Variants in AKAP6 observed in about 807,000 individuals in gnomAD.
AKAP6 encodes the protein A-kinase anchor protein 6.
AKAP6 carries 58 observed loss-of-function variants against 188.5 expected under a neutral mutation model. The observed-to-expected ratio is 0.31, with a 90% CI of 0.25 to 0.38. AKAP6 has a LOEUF of 0.38. Ranked by LOEUF, AKAP6 falls within the 10% of genes least tolerant of loss-of-function variation. The pLI is 1.00. For missense variants in AKAP6, 2,710 were observed against 2,740.0 expected, an observed-to-expected ratio of 0.99 and a Z score of 0.24; for synonymous variants, 989 against 998.6, an observed-to-expected ratio of 0.99 and a Z score of 0.18.
At chr14:32,639,125 G>T (rs1223227631) in intron 7 of AKAP6, among the ~76,000 whole-genome samples, 1 of 152,046 alleles carries the variant, frequency 6.6e-6, no homozygotes, top group East Asian at 1.9e-4. Context: ...TTGCTATTGA[G>T]TGGTTCACAC....
At chr14:32,780,334 A>G (rs1417299007) in intron 12 of AKAP6, among the ~76,000 whole-genome samples, 1 of 151,976 alleles carries the variant, frequency 6.6e-6, no homozygotes, top group African/African-American at 2.4e-5. Flanking sequence ...TATATATGGA[A>G]TCTAAAAAGA....
At chr14:32,451,032 TTACTC>T (rs1350924432) in intron 2 of AKAP6, among the ~76,000 whole-genome samples, 7 of 152,290 alleles carry the variant, frequency 4.6e-5, no homozygotes, top group Middle Eastern at 3.4e-3. Context: ...AAAAATTAGT[TTACTC>T]TATTGCTTTA....
At chr14:32,453,575 C>CTTTTTTTTTTTTTTTTTTTTTTTTTTTTT (rs71115071) in intron 2 of AKAP6, among the ~76,000 whole-genome samples, 2 of 95,356 alleles carry the variant, frequency 2.1e-5, no homozygotes, top group African/African-American at 3.4e-5. Context: ...TTTTTCTTTT[C>CTTTTTTTTTTTTTTTTTTTTTTTTTTTTT]TTTTTTTTTT....
chr14:32,700,632 G>A (rs527258989), intron 9 of AKAP6, among the ~76,000 whole-genome samples: 13 of 152,058 alleles, frequency 8.5e-5, no homozygotes, highest in East Asian at 7.7e-4. Context: ...ATTGTGTTAC[G>A]GTTGCCTACA....
intron 11 of AKAP6, among the ~76,000 whole-genome samples, chr14:32,761,362 C>G (rs1465718473): frequency 6.6e-6 from 1 of 152,130 alleles, no homozygotes; most frequent in Non-Finnish European, 1.5e-5. Context: ...TCCTAAAATA[C>G]CTTTTCCTAG....
intron 12 of AKAP6, among the ~76,000 whole-genome samples, chr14:32,798,256 A>C (rs940988911): frequency 1.3e-5 from 2 of 152,200 alleles, no homozygotes; most frequent in Non-Finnish European, 2.9e-5. Context: ...AGATGCTGGC[A>C]AGGTTGCAGA....
chr14:32,626,302 T>G (rs1887019583), intron 7 of AKAP6, among the ~76,000 whole-genome samples: 1 of 152,130 alleles, frequency 6.6e-6, no homozygotes, highest in South Asian at 2.1e-4. Flanking sequence ...GTCTTTCATA[T>G]GTACAGTGCT....
At chr14:32,500,931 T>A (rs953441809) in intron 2 of AKAP6, among the ~76,000 whole-genome samples, 7 of 152,066 alleles carry the variant, frequency 4.6e-5, no homozygotes, top group Admixed American at 4.6e-4. Context: ...AATGGACTCT[T>A]AAAGAACAAA....
At position 32,696,089 on chromosome 14, in the gene AKAP6, G is replaced by A. The variant is rs532078081; in HGVS notation, c.2979G>A (p.Glu993=). The part of the protein sequence containing the change: ...MDSHDLMMSE[E]QQQHLYKRYS... ...GCCACGACCTGATGATGTCAGAGGA[G>A]CAGCAGCAGCATCTTTACAAGGTTA... The change falls in exon 9 of 14, where the codon GAG becomes GAA. Residue 993 remains glutamate (E), a synonymous_variant. Coordinates refer to ENST00000280979, the MANE Select transcript of AKAP6 (RefSeq NM_004274.5). The A allele has an allele frequency of 6.2e-7, 1 of 1,609,156 alleles. No individual in the cohort carries two copies. The highest frequency in any genetic ancestry group is 2.2e-5 in the East Asian group (1 of 44,702).
intron 13 of AKAP6, among the ~76,000 whole-genome samples, chr14:32,826,146 G>A (rs776231038): frequency 6.6e-6 from 1 of 151,988 alleles, no homozygotes; most frequent in Non-Finnish European, 1.5e-5. Flanking sequence ...ATTCTGTGTA[G>A]AGCTGCTAGA....
At chr14:32,344,915 TAAA>T (rs11297648) in intron 1 of AKAP6, among the ~76,000 whole-genome samples, 7 of 105,428 alleles carry the variant, frequency 6.6e-5, no homozygotes, top group African/African-American at 3.7e-5. Context: ...GACTCTGTCT[TAAA>T]AAAAAAAAAA....
chr14:32,822,426 G>A lies in AKAP6; in HGVS notation c.4613G>A (p.Arg1538His), dbSNP rs539925484. The change falls in exon 13 of 14, where the codon CGC (arginine) becomes CAC (histidine). Residue 1538 changes from arginine to histidine, a missense_variant. Transcript: ENST00000280979. ...GCAAGTGCATCTCATGAAATGGATC[G>A]CATTTCATATAAAAGTGGCAATATA... ...ILASASHEMD[R>H]ISYKSGNIEK... 66 of 1,613,656 alleles carry A rather than the reference G, an allele frequency of 4.1e-5. No individual in the cohort carries two copies. The highest frequency in any genetic ancestry group is 1.6e-4 in the Middle Eastern group (1 of 6,084).
chr14:32,655,032 G>A (rs911045329), intron 7 of AKAP6, among the ~76,000 whole-genome samples: 1 of 152,118 alleles, frequency 6.6e-6, no homozygotes, highest in Non-Finnish European at 1.5e-5. Context: ...AATCACAACT[G>A]AGAAGTTGTT....
chr14:32,674,540 A>G (rs918403143), intron 7 of AKAP6, among the ~76,000 whole-genome samples: 9 of 152,194 alleles, frequency 5.9e-5, no homozygotes, highest in Non-Finnish European at 1.5e-5. Context: ...GAAGAAGAGG[A>G]AGAGTCAAGA....
intron 2 of AKAP6, among the ~76,000 whole-genome samples, chr14:32,485,781 G>T (rs1272030969): frequency 6.6e-6 from 1 of 152,136 alleles, no homozygotes; most frequent in Non-Finnish European, 1.5e-5. Flanking sequence ...TCACTCTGAT[G>T]ATAATTCCTT....
intron 1 of AKAP6, among the ~76,000 whole-genome samples, chr14:32,348,218 G>A (rs1887131722): frequency 6.6e-6 from 1 of 152,286 alleles, no homozygotes; most frequent in African/African-American, 2.4e-5. Flanking sequence ...CCAGCCTATG[G>A]CAGGGATCAC....
At chr14:32,348,420 T>TTC (rs1404251260) in intron 1 of AKAP6, among the ~76,000 whole-genome samples, 3 of 131,096 alleles carry the variant, frequency 2.3e-5, no homozygotes, top group Non-Finnish European at 3.0e-5. Flanking sequence ...TTTGTTTCTT[T>TTC]TTTTTTTTTT....
chr14:32,343,746 C>CAAAAAAAAAAAA (rs56376110), intron 1 of AKAP6, among the ~76,000 whole-genome samples: 1 of 37,266 alleles, frequency 2.7e-5, no homozygotes, highest in Non-Finnish European at 4.8e-5. Flanking sequence ...GATTCCGTCT[C>CAAAAAAAAAAAA]AAAAAAAAAA....
intron 12 of AKAP6, among the ~76,000 whole-genome samples, chr14:32,791,633 C>T (rs929512941): frequency 1.3e-5 from 2 of 152,136 alleles, no homozygotes; most frequent in African/African-American, 4.8e-5. Context: ...AATTAGACCC[C>T]ATATGTCAAT....
Sources: allele counts gnomAD v4.1 joint callset (sites outside exome capture counted in the v4.1 genomes callset), GRCh38; gene constraint gnomAD v4.1.1; transcripts MANE v1.5; gene names NCBI Gene and HGNC (gene_info 2026-07-23, HGNC 2026-07-21).